The following EBF1 variants were observed in gnomAD, a reference collection of about 807,000 sequenced individuals.
EBF1 encodes the protein EBF transcription factor 1.
In EBF1, 10 loss-of-function variants were observed where a neutral mutation model predicts 68.4. That is an observed-to-expected ratio of 0.15 (90% CI 0.09 to 0.25). The LOEUF (loss-of-function observed/expected upper bound fraction) is 0.25. Ranked by LOEUF, EBF1 falls within the 10% of genes least tolerant of loss-of-function variation. The pLI, the probability that EBF1 is intolerant of heterozygous loss-of-function variation, is 1.00. For synonymous variants in EBF1, 298 were observed against 299.8 expected (o/e 0.99, Z 0.06); for missense variants, 509 against 794.4 (o/e 0.64, Z 4.32).
At chr5:159,005,207 T>C (rs1763320810) in intron 6 of EBF1, among the ~76,000 whole-genome samples, 2 of 152,196 alleles carry the variant, frequency 1.3e-5, no homozygotes, top group Non-Finnish European at 2.9e-5. Context: ...CCCCAATTAA[T>C]AACACTACTC....
rs181730078 is a variant in EBF1, at chr5:158,732,097, T to A, written c.1037-940A>T. Among the ~76,000 whole-genome samples the A allele has an allele frequency of 1.0e-3, 156 of 152,264 alleles. 1 individual carries two copies. In the East Asian group the frequency reaches 0.025, roughly 24 times the overall value. ...CCATAGCCTCCACATCCCTATATTCTCTAAGTAAGGGGTAGGTGGGTGTTT... is the reference window on the plus strand; with the variant it reads ...CCATAGCCTCCACATCCCTATATTCACTAAGTAAGGGGTAGGTGGGTGTTT... On this transcript the variant is annotated intron_variant, in intron 10 of 15. Coordinates refer to ENST00000313708, the MANE Select transcript of EBF1 (RefSeq NM_024007.5).
At chr5:159,089,933 C>A (rs543974180) in intron 4 of EBF1, among the ~76,000 whole-genome samples, 13 of 151,938 alleles carry the variant, frequency 8.6e-5, no homozygotes, top group African/African-American at 2.9e-4. Flanking sequence ...GAAAGGTTAT[C>A]AGTAACTAAC....
intron 6 of EBF1, among the ~76,000 whole-genome samples, chr5:159,045,707 C>A (rs1019313649): frequency 6.6e-6 from 1 of 152,116 alleles, no homozygotes; most frequent in Admixed American, 6.5e-5. Flanking sequence ...GGATGGAAGT[C>A]CAAAGCTGTT....
intron 7 of EBF1, among the ~76,000 whole-genome samples, chr5:158,832,218 T>C (rs1787746633): frequency 6.6e-6 from 1 of 152,238 alleles, no homozygotes; most frequent in Admixed American, 6.5e-5. Context: ...GTGTTTAATG[T>C]AGAAATACAT....
At chr5:158,903,722 G>T (rs1803948515) in intron 6 of EBF1, among the ~76,000 whole-genome samples, 1 of 152,138 alleles carries the variant, frequency 6.6e-6, no homozygotes. Flanking sequence ...GTCAAGAAGG[G>T]ATTGCTATTT....
At chr5:159,057,056 C>T (rs931371879) in intron 6 of EBF1, among the ~76,000 whole-genome samples, 9 of 150,460 alleles carry the variant, frequency 6.0e-5, no homozygotes, top group African/African-American at 2.2e-4. Context: ...TATTCTGTAG[C>T]TTCCTCCTCC....
chr5:158,914,884 T>A (rs966887250), intron 6 of EBF1, among the ~76,000 whole-genome samples: 1 of 152,200 alleles, frequency 6.6e-6, no homozygotes, highest in South Asian at 2.1e-4. Context: ...TTACCATACT[T>A]AATGGACGAC....
intron 4 of EBF1, among the ~76,000 whole-genome samples, chr5:159,086,029 C>G (rs1780582995): frequency 6.6e-6 from 1 of 152,068 alleles, no homozygotes; most frequent in Non-Finnish European, 1.5e-5. Flanking sequence ...CCACCATTGG[C>G]CCATCGAAAC....
intron 6 of EBF1, among the ~76,000 whole-genome samples, chr5:158,955,214 T>C (rs188201974): frequency 3.9e-5 from 6 of 152,066 alleles, no homozygotes; most frequent in Non-Finnish European, 8.8e-5. Context: ...TCCCAGCTAC[T>C]TGGGAGTCTG....
At chr5:159,055,605 G>C (rs186198954) in intron 6 of EBF1, among the ~76,000 whole-genome samples, 1 of 152,180 alleles carries the variant, frequency 6.6e-6, no homozygotes, top group Non-Finnish European at 1.5e-5. Flanking sequence ...AGAACTATTA[G>C]TACCTTGAAG....
In EBF1 at chr5:158,715,622, A is replaced by G. The variant is rs1379416641; in HGVS notation, c.1126-1440T>C. Among the ~76,000 whole-genome samples, 5 of 152,230 alleles carry G rather than the reference A, an allele frequency of 3.3e-5. No homozygotes were observed. The East Asian group carries it at 9.6e-4, about 29-fold the overall frequency. On this transcript the variant is annotated intron_variant, in intron 11 of 15. Coordinates refer to ENST00000313708, the MANE Select transcript of EBF1 (RefSeq NM_024007.5). Reference sequence around the variant, plus strand: ...GTTATTTTTCATGTAGGGAGTAAAGAACATTATATAATCAAAGGGATTTGA... The same window carrying G: ...GTTATTTTTCATGTAGGGAGTAAAGGACATTATATAATCAAAGGGATTTGA...
intron 5 of EBF1, among the ~76,000 whole-genome samples, chr5:159,082,997 A>G (rs1779989755): frequency 6.6e-6 from 1 of 152,226 alleles, no homozygotes; most frequent in Non-Finnish European, 1.5e-5. Context: ...CTGTGTGTGA[A>G]AGGCATAATA....
intron 6 of EBF1, among the ~76,000 whole-genome samples, chr5:158,991,936 T>C (rs1433165751): frequency 6.6e-6 from 1 of 152,156 alleles, no homozygotes; most frequent in Non-Finnish European, 1.5e-5. Context: ...AAGCATTTAT[T>C]AGCTGAACGA....
chr5:158,985,159 T>C (rs961898580), intron 6 of EBF1, among the ~76,000 whole-genome samples: 1 of 152,192 alleles, frequency 6.6e-6, no homozygotes, highest in African/African-American at 2.4e-5. Flanking sequence ...TATAAAGATA[T>C]GGCAATAGTC....
chr5:158,997,327 T>C (rs563931488), intron 6 of EBF1, among the ~76,000 whole-genome samples: 1 of 152,270 alleles, frequency 6.6e-6, no homozygotes, highest in Admixed American at 6.5e-5. Context: ...TTGAACTGGG[T>C]CTGTGAGCAG....
intron 11 of EBF1, among the ~76,000 whole-genome samples, chr5:158,715,991 G>C (rs1452675343): frequency 6.6e-6 from 1 of 152,096 alleles, no homozygotes; most frequent in Non-Finnish European, 1.5e-5. Flanking sequence ...TTCCATTTTA[G>C]GGGGGAAAAA....
chr5:158,955,962 T>C (rs892685108), intron 6 of EBF1, among the ~76,000 whole-genome samples: 7 of 152,190 alleles, frequency 4.6e-5, no homozygotes, highest in African/African-American at 1.7e-4. Flanking sequence ...TTCTTACAGT[T>C]GTTACTTATT....
chr5:158,803,639 A>G (rs980646342), intron 8 of EBF1, among the ~76,000 whole-genome samples: 1 of 151,960 alleles, frequency 6.6e-6, no homozygotes, highest in Non-Finnish European at 1.5e-5. Context: ...TCACTTTCAG[A>G]ATGCTAACTC....
At chr5:158,968,327 T>C (rs552680114) in intron 6 of EBF1, among the ~76,000 whole-genome samples, 4 of 152,222 alleles carry the variant, frequency 2.6e-5, no homozygotes, top group Non-Finnish European at 5.9e-5. Context: ...AATGCATCAT[T>C]CATGCCCCCT....
Sources: allele counts gnomAD v4.1 joint callset (sites outside exome capture counted in the v4.1 genomes callset), GRCh38; gene constraint gnomAD v4.1.1; transcripts MANE v1.5; gene names NCBI Gene and HGNC (gene_info 2026-07-23, HGNC 2026-07-21).